Variants in CAPZA1 observed in about 807,000 individuals in gnomAD.
CAPZA1 encodes capping actin protein of muscle Z-line subunit alpha 1, also known as F-actin-capping protein subunit alpha-1.
In CAPZA1, 10 loss-of-function variants were observed where a neutral mutation model predicts 40.8. The observed-to-expected ratio is 0.25, with a 90% confidence interval of 0.15 to 0.42. The LOEUF (loss-of-function observed/expected upper bound fraction) is 0.42. Among genes scored for constraint, CAPZA1 ranks in the 10% least tolerant of loss-of-function variants. The probability of loss-of-function intolerance (pLI) is 1.00; values close to 1 mark genes in which losing one functional copy is unlikely to be tolerated. For missense variants in CAPZA1, 277 were observed against 353.8 expected (o/e 0.78, Z 1.74); for synonymous variants, 98 against 115.0 (o/e 0.85, Z 0.95).
At chr1:112,648,870 G>A (rs180889054) in intron 2 of CAPZA1, among the ~76,000 whole-genome samples, 75 of 152,122 alleles carry the variant, frequency 4.9e-4, no homozygotes, top group Non-Finnish European at 7.5e-4. Flanking sequence ...GGCTGAGGCC[G>A]GAGAATCTCT....
chr1:112,662,395 C>CTTTTTTTTTTTTTTTT (rs35100851), intron 7 of CAPZA1, among the ~76,000 whole-genome samples: 2 of 97,260 alleles, frequency 2.1e-5, no homozygotes, highest in Non-Finnish European at 3.9e-5. Flanking sequence ...TAGAATTTTT[C>CTTTTTTTTTTTTTTTT]TTTTTTTTTT....
intron 3 of CAPZA1, among the ~76,000 whole-genome samples, chr1:112,651,426 T>C (rs1230115162): frequency 2.0e-5 from 3 of 152,162 alleles, no homozygotes; most frequent in Non-Finnish European, 4.4e-5. Context: ...ATGCTACTGG[T>C]TGGACTAGAG....
intron 1 of CAPZA1, among the ~76,000 whole-genome samples, chr1:112,640,403 A>G (rs1671126634): frequency 9.2e-6 from 1 of 108,680 alleles, no homozygotes; most frequent in South Asian, 3.2e-4. Context: ...CCCGTCCGGG[A>G]GGTGAGGGGC....
chr1:112,629,690 C>T (rs780274557), intron 1 of CAPZA1, among the ~76,000 whole-genome samples: 31 of 152,200 alleles, frequency 2.0e-4, no homozygotes, highest in Non-Finnish European at 3.1e-4. Flanking sequence ...AGCAAGTGGC[C>T]ATTGCCAATG....
chr1:112,640,476 C>A (rs1303222494), intron 1 of CAPZA1, among the ~76,000 whole-genome samples: 2 of 130,594 alleles, frequency 1.5e-5, no homozygotes, highest in Non-Finnish European at 3.2e-5. Flanking sequence ...GCCGCCCAGT[C>A]CGGGAGGGAG....
At chr1:112,655,222 G>A (rs1030730916) in intron 5 of CAPZA1, among the ~76,000 whole-genome samples, 2 of 152,216 alleles carry the variant, frequency 1.3e-5, no homozygotes, top group Non-Finnish European at 2.9e-5. Flanking sequence ...GCTCATGCCT[G>A]TAATCCCAGC....
chr1:112,671,240 A>G lies in CAPZA1; in HGVS notation c.*1108A>G, dbSNP rs997592699. 8 of 152,632 alleles carry G rather than the reference A, an allele frequency of 5.2e-5. No homozygotes were observed. Among genetic ancestry groups the G allele is most frequent in the African/African-American group, 1.9e-4 (8 of 41,444 alleles). The allele number at this position is 152,632 out of a possible 1,614,324, so 9.5% of individuals were successfully genotyped here. On this transcript the variant is annotated 3_prime_UTR_variant, in exon 10 of 10. Coordinates refer to ENST00000263168, the MANE Select transcript of CAPZA1 (RefSeq NM_006135.3). Reference sequence around the variant, plus strand: ...AATAACCTTTCCCAGGTATATTGGCAGGTATGTGTGTAATCTCAGAATACA... The same window carrying G: ...AATAACCTTTCCCAGGTATATTGGCGGGTATGTGTGTAATCTCAGAATACA...
intron 5 of CAPZA1, among the ~76,000 whole-genome samples, chr1:112,654,988 C>T (rs1337335986): frequency 2.6e-5 from 4 of 151,566 alleles, no homozygotes; most frequent in Admixed American, 6.6e-5. Flanking sequence ...TTTAAATTAA[C>T]CTTTTAAATT....
chr1:112,643,207 T>C (rs944549372), intron 1 of CAPZA1, among the ~76,000 whole-genome samples: 1 of 152,204 alleles, frequency 6.6e-6, no homozygotes, highest in Non-Finnish European at 1.5e-5. Context: ...AAGGAAAATA[T>C]AGATAGAAAT....
intron 1 of CAPZA1, among the ~76,000 whole-genome samples, chr1:112,643,164 A>G (rs1014145881): frequency 3.9e-5 from 6 of 152,212 alleles, no homozygotes; most frequent in Admixed American, 1.3e-4. Context: ...CCAACAGTTG[A>G]AAAGTGCAGA....
chr1:112,659,769 T>G lies in CAPZA1; in HGVS notation c.575T>G (p.Leu192Arg). Reference protein sequence around the residue: ...TPPTAQVVGVLKIQVHYYEDG... With the variant: ...TPPTAQVVGVRKIQVHYYEDG... ...CCTACAGCCCAGGTGGTTGGCGTGC[T>G]TAAGATTCAGGTGAGATTCCAACAT... Residue 192 changes from leucine to arginine, a missense_variant, in exon 7 of 10, where the codon CTT becomes CGT. Leu to Arg is a moderately radical substitution (Grantham distance 102). Transcript: ENST00000263168. 6.2e-7 allele frequency: 1 copy of G among 1,612,876 alleles called. No individual in the cohort carries two copies. The highest frequency in any genetic ancestry group is 8.5e-7 in the Non-Finnish European group (1 of 1,179,064).
intron 8 of CAPZA1, among the ~76,000 whole-genome samples, chr1:112,669,054 TG>T (rs2101195036): frequency 6.6e-6 from 1 of 152,326 alleles, no homozygotes; most frequent in Admixed American, 6.5e-5. Flanking sequence ...TTGAACCACG[TG>T]GTACAAAATG....
At chr1:112,654,277 G>C (rs889541674) in intron 4 of CAPZA1, among the ~76,000 whole-genome samples, 188 bp from the exon 5 acceptor site, 3 of 152,110 alleles carry the variant, frequency 2.0e-5, no homozygotes, top group African/African-American at 7.2e-5. Context: ...ATATTTTGTA[G>C]TTTAAAGTTG....
At chr1:112,667,383 G>C (rs1671744487) in intron 8 of CAPZA1, among the ~76,000 whole-genome samples, 1 of 152,176 alleles carries the variant, frequency 6.6e-6, no homozygotes, top group Non-Finnish European at 1.5e-5. Flanking sequence ...TCTCTCAATT[G>C]TAATAGTTAC....
chr1:112,668,620 G>A (rs774859444), intron 8 of CAPZA1, among the ~76,000 whole-genome samples: 16 of 152,078 alleles, frequency 1.1e-4, no homozygotes, highest in Admixed American at 2.0e-4. Context: ...CGAGTAGCTG[G>A]GATTACAGGT....
intron 1 of CAPZA1, among the ~76,000 whole-genome samples, chr1:112,624,314 AT>A (rs1670752489): frequency 6.6e-6 from 1 of 152,100 alleles, no homozygotes; most frequent in Admixed American, 6.6e-5. Context: ...TGGATTATAA[AT>A]GAGGTATTAT....
At chr1:112,621,881 C>T (rs977792038) in intron 1 of CAPZA1, among the ~76,000 whole-genome samples, 4 of 151,096 alleles carry the variant, frequency 2.6e-5, no homozygotes, top group Admixed American at 2.0e-4. Context: ...CCTGCCTCAG[C>T]CTCTCGAGTA....
At chr1:112,646,851 G>C (rs1362765597) in intron 1 of CAPZA1, 1 of 154,728 alleles carries the variant, frequency 6.5e-6, no homozygotes, top group African/African-American at 2.4e-5. Flanking sequence ...AATTGGTATT[G>C]GTATACTATT....
intron 9 of CAPZA1, 87 bp from the exon 10 acceptor site, chr1:112,669,905 G>A: frequency 7.0e-7 from 1 of 1,429,818 alleles, no homozygotes; most frequent in Non-Finnish European, 9.8e-7. Flanking sequence ...GGGGACTCAA[G>A]CATATCCATT....
Sources: gnomAD v4.1 joint callset for allele counts (sites outside exome capture counted in the v4.1 genomes callset) on GRCh38, gnomAD v4.1.1 for gene constraint, MANE v1.5 for transcripts, NCBI Gene and HGNC (gene_info 2026-07-23, HGNC 2026-07-21) for gene names.